The following APOLD1 variants were observed in gnomAD, a reference collection of about 807,000 sequenced individuals.
The protein encoded by APOLD1 is apolipoprotein L domain-containing protein 1.
APOLD1 carries 22 observed loss-of-function variants against 15.3 expected under a neutral mutation model. That is an observed-to-expected ratio of 1.44 (90% CI 1.03 to 2.05). The LOEUF (loss-of-function observed/expected upper bound fraction) is 2.05, where lower values mean the gene tolerates loss of function less well. APOLD1 is among the 30% of genes most tolerant of loss of function. APOLD1 has a pLI of 0.00. For synonymous variants in APOLD1, 190 were observed against 167.4 expected, an observed-to-expected ratio of 1.13 and a Z score of -1.04; for missense variants, 394 against 353.5, an observed-to-expected ratio of 1.11 and a Z score of -0.92.
chr12:12,728,665 C>CAAAAAAAAAAAA (rs58877184), intron 1 of APOLD1, among the ~76,000 whole-genome samples: 9 of 62,838 alleles, frequency 1.4e-4, no homozygotes, highest in South Asian at 4.8e-4. Context: ...GACCCTGTCT[C>CAAAAAAAAAAAA]AAAAAAAAAA....
intron 1 of APOLD1, chr12:12,771,576 A>G: frequency 1.9e-6 from 1 of 522,354 alleles, no homozygotes. Context: ...TTGGCAACTT[A>G]TGATGGAGGA....
At chr12:12,749,137 A>C (rs1423714960) in intron 1 of APOLD1, among the ~76,000 whole-genome samples, 1 of 152,010 alleles carries the variant, frequency 6.6e-6, no homozygotes, top group African/African-American at 2.4e-5. Context: ...GTCTTTGGGC[A>C]CCCAAAGCAC....
At chr12:12,769,561 T>C (rs1946969571) in intron 1 of APOLD1, among the ~76,000 whole-genome samples, 1 of 114,526 alleles carries the variant, frequency 8.7e-6, no homozygotes. Context: ...GTTCTCACAG[T>C]GAATTTTGCA....
intron 1 of APOLD1, among the ~76,000 whole-genome samples, chr12:12,765,056 G>C (rs1026287581): frequency 6.6e-6 from 1 of 152,152 alleles, no homozygotes; most frequent in Non-Finnish European, 1.5e-5. Flanking sequence ...GAGCCTGAGA[G>C]ACTGGGAGAG....
At chr12:12,761,699 G>A (rs1946899629) in intron 1 of APOLD1, among the ~76,000 whole-genome samples, 2 of 152,038 alleles carry the variant, frequency 1.3e-5, no homozygotes, top group Admixed American at 6.6e-5. Context: ...CCTAAAATGA[G>A]TGACAGCCAC....
intron 1 of APOLD1, among the ~76,000 whole-genome samples, chr12:12,777,440 A>G (rs1051981880): frequency 2.6e-5 from 4 of 152,180 alleles, no homozygotes; most frequent in Admixed American, 6.5e-5. Flanking sequence ...ATGTTCAAGT[A>G]TGTGTTCCCT....
In APOLD1 at chr12:12,738,352, G is replaced by T. The variant is rs1342508516; in HGVS notation, c.96+12256G>T. On this transcript the variant is annotated intron_variant, in intron 1 of 1. Transcript: ENST00000326765. Reference sequence around the variant, plus strand: ...GCCTCCTGAGTAGCTGGGACTGCAGGTGTATGCCACCACACCTGGCTAATT... The same window carrying T: ...GCCTCCTGAGTAGCTGGGACTGCAGTTGTATGCCACCACACCTGGCTAATT... Among the ~76,000 whole-genome samples, 5 of 151,970 alleles carry T rather than the reference G, an allele frequency of 3.3e-5. No homozygotes were observed. In the South Asian group the frequency reaches 8.3e-4, roughly 25 times the overall value.
At chr12:12,750,303 C>T (rs536431996) in intron 1 of APOLD1, among the ~76,000 whole-genome samples, 18 of 132,574 alleles carry the variant, frequency 1.4e-4, no homozygotes, top group South Asian at 1.2e-3. Flanking sequence ...ACCCGGGAGA[C>T]GGAGGTTGCA....
intron 1 of APOLD1, among the ~76,000 whole-genome samples, chr12:12,777,813 T>G (rs566794607): frequency 2.7e-4 from 40 of 149,094 alleles, no homozygotes; most frequent in African/African-American, 9.2e-4. Flanking sequence ...AAGAACAAAC[T>G]GAAGAGGAAG....
chr12:12,770,567 G>GAAAAAAAAAAAAAAAACAAAA (rs36112693), intron 1 of APOLD1, among the ~76,000 whole-genome samples: 1 of 119,272 alleles, frequency 8.4e-6, no homozygotes, highest in Non-Finnish European at 1.8e-5. Flanking sequence ...AAAAAAGACT[G>GAAAAAAAAAAAAAAAACAAAA]AAAAAAAAAA....
upstream of APOLD1, among the ~76,000 whole-genome samples, chr12:12,782,489 T>C (rs111702316): frequency 1.2e-4 from 18 of 152,282 alleles, 1 homozygote; most frequent in African/African-American, 4.3e-4. Context: ...GAATTCAAAC[T>C]AGTACAGCTA....
At chr12:12,786,715 T>A (rs1215709406) in intron 1 of APOLD1, 194 bp from the exon 2 acceptor site, 2 of 985,276 alleles carry the variant, frequency 2.0e-6, no homozygotes, top group Non-Finnish European at 2.4e-6. Context: ...AGAACTTGTG[T>A]GGCTCCCCCC....
At chr12:12,785,594 A>G, upstream of APOLD1, 1 of 1,611,960 alleles carries the variant, frequency 6.2e-7, no homozygotes, top group Admixed American at 1.7e-5. Flanking sequence ...GAATGAGACA[A>G]GGCTTTCCCA....
intron 1 of APOLD1, among the ~76,000 whole-genome samples, chr12:12,757,303 G>A (rs1448530852): frequency 1.3e-5 from 2 of 152,094 alleles, no homozygotes; most frequent in African/African-American, 4.8e-5. Context: ...GTTCACCACA[G>A]ACCTGCCTCT....
intron 1 of APOLD1, among the ~76,000 whole-genome samples, chr12:12,759,160 T>G (rs1032336348): frequency 6.6e-6 from 1 of 152,250 alleles, no homozygotes; most frequent in Admixed American, 6.5e-5. Context: ...TGTTTATTTC[T>G]GGAATTGTCC....
At chr12:12,772,002 G>A (rs1946991831) in intron 1 of APOLD1, among the ~76,000 whole-genome samples, 1 of 151,540 alleles carries the variant, frequency 6.6e-6, no homozygotes, top group East Asian at 1.9e-4. Flanking sequence ...GCTAAAAAAT[G>A]AGAAAAAAAT....
chr12:12,745,470 C>T (rs1181992998), intron 1 of APOLD1, among the ~76,000 whole-genome samples: 2 of 151,984 alleles, frequency 1.3e-5, no homozygotes, highest in South Asian at 2.1e-4. Flanking sequence ...GTGGAAGTTG[C>T]GGTGGGCCAA....
At chr12:12,752,734 A>G (rs78612914) in intron 1 of APOLD1, among the ~76,000 whole-genome samples, 5,246 of 152,300 alleles carry the variant, frequency 0.034, 290 homozygotes, top group African/African-American at 0.12. Flanking sequence ...CTAGAACAGT[A>G]GACTATTGCT....
intron 1 of APOLD1, among the ~76,000 whole-genome samples, chr12:12,774,546 C>CAAAAAAA (rs57343706): frequency 8.5e-4 from 36 of 42,294 alleles, no homozygotes; most frequent in Admixed American, 1.7e-3. Flanking sequence ...ACTCTAACTC[C>CAAAAAAA]AAAAAAAAAA....
Sources: gnomAD v4.1 joint callset for allele counts (sites outside exome capture counted in the v4.1 genomes callset) on GRCh38, gnomAD v4.1.1 for gene constraint, MANE v1.5 for transcripts, NCBI Gene and HGNC (gene_info 2026-07-23, HGNC 2026-07-21) for gene names.